Variants in EPHB2 observed in about 807,000 individuals in gnomAD.
The protein encoded by EPHB2 is EPH receptor B2.
In EPHB2, 18 loss-of-function variants were observed where a neutral mutation model predicts 96.4. That is an observed-to-expected ratio of 0.19 (90% CI 0.13 to 0.28). The LOEUF is 0.28. Ranked by LOEUF, EPHB2 falls within the 10% of genes least tolerant of loss-of-function variation. The pLI, the probability that EPHB2 is intolerant of heterozygous loss-of-function variation, is 1.00. For synonymous variants in EPHB2, 506 were observed against 534.1 expected (o/e 0.95, Z 0.72); for missense variants, 989 against 1,355.4 (o/e 0.73, Z 4.25).
chr1:22,742,445 G>A (rs953097020), intron 1 of EPHB2, among the ~76,000 whole-genome samples: 4 of 152,154 alleles, frequency 2.6e-5, no homozygotes, highest in Non-Finnish European at 5.9e-5. Context: ...AAAATGGGGT[G>A]AATCGACTAA....
At position 22,908,003 on chromosome 1, in the gene EPHB2, C is replaced by T. The variant is rs375579646; in HGVS notation, c.2187C>T (p.Gly729=). 11 of 1,614,262 alleles carry T rather than the reference C, an allele frequency of 6.8e-6. No individual in the cohort carries two copies. Among genetic ancestry groups the T allele is most frequent in the African/African-American group, 5.3e-5 (4 of 75,068 alleles). ...TVIQLVGMLR[G]IAAGMKYLAD... is the part of the protein sequence containing the mutation. Reference sequence around the variant, plus strand: ...TCCAGCTGGTGGGCATGCTTCGGGGCATCGCAGCTGGCATGAAGTACCTGG... The same window carrying T: ...TCCAGCTGGTGGGCATGCTTCGGGGTATCGCAGCTGGCATGAAGTACCTGG... The change falls in exon 12 of 16, where the codon GGC becomes GGT. Residue 729 remains glycine, a synonymous_variant. Coordinates refer to ENST00000374630, the MANE Select transcript of EPHB2 (RefSeq NM_017449.5).
intron 3 of EPHB2, among the ~76,000 whole-genome samples, chr1:22,797,769 C>T (rs1383640254): frequency 6.6e-6 from 1 of 152,158 alleles, no homozygotes; most frequent in Non-Finnish European, 1.5e-5. Flanking sequence ...GGCCCTTCAT[C>T]ATCTTTCCCT....
intron 13 of EPHB2, among the ~76,000 whole-genome samples, 177 bp downstream of exon 13, chr1:22,909,348 G>A (rs1640017939): frequency 6.6e-6 from 1 of 152,220 alleles, no homozygotes; most frequent in Non-Finnish European, 1.5e-5. Context: ...TGTCTGCACA[G>A]GACTCTGGAC....
At chr1:22,727,900 C>T (rs1643620360) in intron 1 of EPHB2, among the ~76,000 whole-genome samples, 1 of 151,666 alleles carries the variant, frequency 6.6e-6, no homozygotes, top group Non-Finnish European at 1.5e-5. Flanking sequence ...GCCCCAGCCT[C>T]CCAAAATGCT....
At chr1:22,819,205 GTCTCTCTCTC>G (rs71020453) in intron 3 of EPHB2, among the ~76,000 whole-genome samples, 1,409 of 103,462 alleles carry the variant, frequency 0.014, 13 homozygotes, top group Middle Eastern at 0.06. Flanking sequence ...CCCAGCAGAT[GTCTCTCTCTC>G]TCTCTCTCTC....
intron 1 of EPHB2, among the ~76,000 whole-genome samples, chr1:22,770,186 CG>C (rs1294790436): frequency 2.6e-5 from 4 of 151,670 alleles, no homozygotes; most frequent in Admixed American, 1.3e-4. Flanking sequence ...TAGATGTGTG[CG>C]GATGGGTAAA....
intron 1 of EPHB2, among the ~76,000 whole-genome samples, chr1:22,740,784 C>T (rs190582355): frequency 7.2e-5 from 11 of 152,272 alleles, no homozygotes; most frequent in Non-Finnish European, 1.3e-4. Flanking sequence ...CCCCAGACCC[C>T]TCACCATCAT....
At chr1:22,743,573 T>C (rs1643929903) in intron 1 of EPHB2, among the ~76,000 whole-genome samples, 1 of 152,166 alleles carries the variant, frequency 6.6e-6, no homozygotes, top group Non-Finnish European at 1.5e-5. Flanking sequence ...CAAGTTCAAG[T>C]GATTCTCGTG....
intron 14 of EPHB2, 25 bp from the exon 15 acceptor site, chr1:22,912,419 C>G: frequency 6.2e-7 from 1 of 1,613,600 alleles, no homozygotes; most frequent in African/African-American, 1.3e-5. Flanking sequence ...CCCTGACCAT[C>G]TCTGTCGCCC....
intron 1 of EPHB2, chr1:22,719,420 C>T (rs1057370109): frequency 5.2e-5 from 8 of 154,194 alleles, no homozygotes; most frequent in Middle Eastern, 5.5e-4. Context: ...CTGTTTCTGG[C>T]GTTTCTGAAA....
At chr1:22,842,833 C>T (rs1284731861) in intron 3 of EPHB2, among the ~76,000 whole-genome samples, 1 of 151,962 alleles carries the variant, frequency 6.6e-6, no homozygotes, top group Non-Finnish European at 1.5e-5. Flanking sequence ...CCTGCACTCC[C>T]CCTCTAACTC....
At chr1:22,859,307 G>T (rs1036208347) in intron 3 of EPHB2, among the ~76,000 whole-genome samples, 2 of 149,308 alleles carry the variant, frequency 1.3e-5, no homozygotes. Flanking sequence ...TGGGGGGGGG[G>T]GTATTGTACC....
intron 1 of EPHB2, among the ~76,000 whole-genome samples, chr1:22,752,767 G>A (rs1015205433): frequency 9.3e-5 from 14 of 150,880 alleles, no homozygotes; most frequent in African/African-American, 3.0e-4. Context: ...ATACTTACAC[G>A]TACACACACA....
chr1:22,754,194 C>T (rs1252041844), intron 1 of EPHB2, among the ~76,000 whole-genome samples: 12 of 19,082 alleles, frequency 6.3e-4, no homozygotes, highest in Non-Finnish European at 6.2e-3. Flanking sequence ...AGAAATGTCC[C>T]CAAACCAAAC....
intron 3 of EPHB2, chr1:22,835,912 T>G (rs993730129): frequency 1.3e-5 from 2 of 151,882 alleles, no homozygotes; most frequent in African/African-American, 2.4e-5. Context: ...GGCGTTTTAA[T>G]CCCTCGTCAT....
intron 5 of EPHB2, among the ~76,000 whole-genome samples, chr1:22,870,178 G>T (rs1471360997): frequency 1.3e-5 from 2 of 152,172 alleles, no homozygotes; most frequent in Admixed American, 1.3e-4. Flanking sequence ...AAGTGACTGG[G>T]CCTTGCTCGC....
At chr1:22,715,426 C>T (rs1351150974) in intron 1 of EPHB2, among the ~76,000 whole-genome samples, 2 of 149,650 alleles carry the variant, frequency 1.3e-5, no homozygotes, top group South Asian at 2.2e-4. Context: ...CCCAGCTCAA[C>T]TCTCCCACCC....
intron 6 of EPHB2, among the ~76,000 whole-genome samples, chr1:22,889,012 G>A (rs1193754955): frequency 2.0e-5 from 3 of 152,008 alleles, no homozygotes; most frequent in Non-Finnish European, 2.9e-5. Context: ...AAAATTAGCC[G>A]GGTGTGATGG....
chr1:22,736,033 G>A (rs1042254261), intron 1 of EPHB2, among the ~76,000 whole-genome samples: 2 of 152,194 alleles, frequency 1.3e-5, no homozygotes, highest in Non-Finnish European at 2.9e-5. Context: ...CTGAGCCTCA[G>A]TTCCCCATTA....
Sources: allele counts gnomAD v4.1 joint callset (sites outside exome capture counted in the v4.1 genomes callset), GRCh38; gene constraint gnomAD v4.1.1; transcripts MANE v1.5; gene names NCBI Gene and HGNC (gene_info 2026-07-23, HGNC 2026-07-21).